Variants in STXBP5L observed in about 807,000 individuals in gnomAD.
STXBP5L encodes the protein syntaxin binding protein 5L, also known as syntaxin-binding protein 5-like.
STXBP5L carries 65 observed loss-of-function variants against 144.5 expected under a neutral mutation model. The observed-to-expected ratio is 0.45, with a 90% CI of 0.37 to 0.55. STXBP5L has a LOEUF of 0.55. STXBP5L is among the 20% of genes least tolerant of loss of function. The probability of loss-of-function intolerance (pLI) is 0.00; values close to 1 mark genes in which losing one functional copy is unlikely to be tolerated. For missense variants in STXBP5L, 1,298 were observed against 1,405.5 expected (o/e 0.92, Z 1.22); for synonymous variants, 505 against 469.6 (o/e 1.08, Z -0.97).
chr3:121,115,155 C>A, intron 6 of STXBP5L, 96 bp downstream of exon 6: 2 of 1,185,172 alleles, frequency 1.7e-6, no homozygotes, highest in Non-Finnish European at 2.3e-6. Flanking sequence ...ACGTCTATTA[C>A]TAATTTATAA....
chr3:121,395,735 C>G (rs1256827818), intron 22 of STXBP5L, among the ~76,000 whole-genome samples: 1 of 152,222 alleles, frequency 6.6e-6, no homozygotes, highest in African/African-American at 2.4e-5. Context: ...ATACCGCTAT[C>G]ATAGCTACCA....
intron 25 of STXBP5L, among the ~76,000 whole-genome samples, chr3:121,416,456 G>A (rs964977677): frequency 1.4e-5 from 2 of 138,892 alleles, no homozygotes; most frequent in African/African-American, 5.4e-5. Flanking sequence ...GTTTATCAAA[G>A]TCTCACTGGT....
At chr3:121,275,605 T>C (rs953685212) in intron 18 of STXBP5L, among the ~76,000 whole-genome samples, 1 of 152,132 alleles carries the variant, frequency 6.6e-6, no homozygotes, top group African/African-American at 2.4e-5. Context: ...TCTCTGATTA[T>C]TCTATCAGTT....
intron 7 of STXBP5L, among the ~76,000 whole-genome samples, chr3:121,125,179 G>T (rs1163440757): frequency 1.3e-5 from 2 of 152,030 alleles, no homozygotes; most frequent in African/African-American, 4.8e-5. Flanking sequence ...ACAAAATCAA[G>T]ATAATATGGT....
intron 7 of STXBP5L, among the ~76,000 whole-genome samples, chr3:121,134,583 G>A (rs546821086): frequency 1.3e-5 from 2 of 151,664 alleles, no homozygotes; most frequent in African/African-American, 2.4e-5. Context: ...AGGCCCTGGT[G>A]TGTGATGTTC....
At position 121,107,997 on chromosome 3, in the gene STXBP5L, T is replaced by C. The variant is rs144506896; in HGVS notation, c.471-6928T>C. ...GCAATTGTGAATGGGAGTTCATTCA[T>C]GATTTGGCTCTCTGCTTGTCTGTTG... On this transcript the variant is annotated intron_variant, in intron 5 of 26. Coordinates refer to ENST00000471454, the MANE Select transcript of STXBP5L (RefSeq NM_001308330.2). 5.6e-3 allele frequency among the ~76,000 whole-genome samples: 857 copies of C among 152,346 alleles called. 6 individuals are homozygous for C. The highest frequency in any genetic ancestry group is 0.02 in the African/African-American group (838 of 41,584).
chr3:121,145,976 T>C (rs2107960990), intron 7 of STXBP5L, among the ~76,000 whole-genome samples: 1 of 152,198 alleles, frequency 6.6e-6, no homozygotes, highest in African/African-American at 2.4e-5. Context: ...CTCTCTCTAC[T>C]GGAACTGGGA....
intron 19 of STXBP5L, among the ~76,000 whole-genome samples, chr3:121,311,260 G>A (rs957990958): frequency 1.3e-5 from 2 of 152,180 alleles, no homozygotes; most frequent in Non-Finnish European, 2.9e-5. Context: ...CCCGTAAGTT[G>A]CTACGGAGAA....
At chr3:121,317,179 G>A (rs1000297710) in intron 19 of STXBP5L, among the ~76,000 whole-genome samples, 1 of 152,124 alleles carries the variant, frequency 6.6e-6, no homozygotes, top group Non-Finnish European at 1.5e-5. Context: ...AAAATTGGAT[G>A]AGCATTACAT....
intron 3 of STXBP5L, among the ~76,000 whole-genome samples, chr3:120,985,531 A>G (rs1011754348): frequency 5.3e-5 from 8 of 152,018 alleles, no homozygotes; most frequent in Non-Finnish European, 1.2e-4. Context: ...TAATTCTCCT[A>G]AATGAAACTT....
chr3:121,044,837 T>G (rs1947400216), intron 4 of STXBP5L, among the ~76,000 whole-genome samples: 1 of 152,072 alleles, frequency 6.6e-6, no homozygotes, highest in Non-Finnish European at 1.5e-5. Context: ...AAAGGAATCT[T>G]AGTATAATTT....
chr3:121,079,880 ACT>A (rs199806331), intron 5 of STXBP5L, among the ~76,000 whole-genome samples: 5,435 of 151,738 alleles, frequency 0.036, 146 homozygotes, highest in Middle Eastern at 0.082. Context: ...TTCTTTGTTG[ACT>A]CTCTGTCTTG....
In STXBP5L at chr3:121,225,315, G is replaced by A. The variant is rs377037869; in HGVS notation, c.1111+2158G>A. On this transcript the variant is annotated intron_variant, in intron 11 of 26. Transcript: ENST00000471454. Reference sequence around the variant, plus strand: ...TGGATTGTGCCCCAGGACTCTCGGGGCACAATTGGTAGCTCGTGGAGAGGA... The same window carrying A: ...TGGATTGTGCCCCAGGACTCTCGGGACACAATTGGTAGCTCGTGGAGAGGA... Among the ~76,000 whole-genome samples the A allele has an allele frequency of 4.6e-5, 7 of 152,140 alleles. No homozygotes were observed. The East Asian group carries it at 7.7e-4, about 17-fold the overall frequency.
chr3:120,912,808 G>C (rs1391646048), intron 2 of STXBP5L, among the ~76,000 whole-genome samples: 2 of 151,862 alleles, frequency 1.3e-5, no homozygotes, highest in South Asian at 2.1e-4. Context: ...ACCTTGATGG[G>C]TATAGAGTTT....
intron 7 of STXBP5L, among the ~76,000 whole-genome samples, chr3:121,130,019 A>C (rs959909396): frequency 2.6e-5 from 4 of 152,116 alleles, no homozygotes; most frequent in African/African-American, 9.7e-5. Flanking sequence ...ATAGTTTATA[A>C]TGTCCTTGAA....
chr3:121,359,729 G>T (rs1283737618), intron 20 of STXBP5L, among the ~76,000 whole-genome samples: 2 of 151,736 alleles, frequency 1.3e-5, no homozygotes, highest in African/African-American at 2.4e-5. Context: ...TATGTTCTTG[G>T]CACCTTTGTC....
intron 5 of STXBP5L, among the ~76,000 whole-genome samples, chr3:121,089,616 T>A (rs1421795572): frequency 6.6e-6 from 1 of 152,038 alleles, no homozygotes; most frequent in African/African-American, 2.4e-5. Flanking sequence ...TTCCGTTTAG[T>A]TTTGCTCAGC....
At chr3:121,338,124 C>T (rs2044570768) in intron 20 of STXBP5L, among the ~76,000 whole-genome samples, 1 of 151,990 alleles carries the variant, frequency 6.6e-6, no homozygotes, top group Non-Finnish European at 1.5e-5. Flanking sequence ...AAATTGGCAA[C>T]CTAACATCAC....
At chr3:121,218,615 T>C (rs913346888) in intron 10 of STXBP5L, among the ~76,000 whole-genome samples, 3 of 151,592 alleles carry the variant, frequency 2.0e-5, no homozygotes, top group Admixed American at 6.6e-5. Context: ...AGGAGAACCA[T>C]GAAGAGAGAA....
Sources: gnomAD v4.1 joint callset for allele counts (sites outside exome capture counted in the v4.1 genomes callset) on GRCh38, gnomAD v4.1.1 for gene constraint, MANE v1.5 for transcripts, NCBI Gene and HGNC (gene_info 2026-07-23, HGNC 2026-07-21) for gene names.